Variants in ANKRD29 observed in about 807,000 individuals in gnomAD.
ANKRD29 encodes ankyrin repeat domain-containing protein 29.
ANKRD29 carries 32 observed loss-of-function variants against 38.0 expected under a neutral mutation model. The observed-to-expected ratio is 0.84, with a 90% CI of 0.64 to 1.13. ANKRD29 has a LOEUF of 1.13. ANKRD29 is among the 50% of genes most tolerant of loss of function. The probability of loss-of-function intolerance (pLI) is 0.00; values close to 1 mark genes in which losing one functional copy is unlikely to be tolerated. For synonymous variants in ANKRD29, 135 were observed against 152.4 expected (o/e 0.89, Z 0.84); for missense variants, 357 against 377.9 (o/e 0.94, Z 0.46).
At chr18:23,659,216 A>G (rs2060323628) in intron 1 of ANKRD29, among the ~76,000 whole-genome samples, 1 of 152,166 alleles carries the variant, frequency 6.6e-6, no homozygotes, top group Admixed American at 6.5e-5. Context: ...TCCCGACTTC[A>G]GGTGATCCGC....
At position 23,600,398 on chromosome 18, in the gene ANKRD29, T is replaced by C. The variant is rs2059497181; in HGVS notation, c.*828A>G. 6.6e-6 allele frequency: 1 copy of C among 152,204 alleles called. No homozygotes were observed. The highest frequency in any genetic ancestry group is 2.4e-5 in the African/African-American group (1 of 41,452). 9.4% of individuals were successfully genotyped at this position (152,204 alleles called of 1,614,324 possible). On this transcript the variant is annotated 3_prime_UTR_variant, in exon 10 of 10. Transcript: ENST00000592179. ...ACAGCATGTTAGGTATACTTACTTA[T>C]AGAATAGGAAATAGATTCCCAACAA...
intron 1 of ANKRD29, among the ~76,000 whole-genome samples, chr18:23,653,407 C>T (rs774762581): frequency 2.6e-5 from 4 of 152,032 alleles, no homozygotes; most frequent in South Asian, 2.1e-4. Flanking sequence ...CCTGCCACTA[C>T]GCCCGGCTAA....
At chr18:23,660,792 A>G (rs1251963567) in intron 1 of ANKRD29, among the ~76,000 whole-genome samples, 1 of 152,226 alleles carries the variant, frequency 6.6e-6, no homozygotes, top group Non-Finnish European at 1.5e-5. Context: ...GGGTGACAAG[A>G]GCAAGACTTT....
chr18:23,615,134 G>C (rs1001944045), intron 8 of ANKRD29, among the ~76,000 whole-genome samples: 1 of 152,086 alleles, frequency 6.6e-6, no homozygotes, highest in Non-Finnish European at 1.5e-5. Flanking sequence ...CAATCCTCCT[G>C]CCTCAGCTGG....
intron 5 of ANKRD29, among the ~76,000 whole-genome samples, chr18:23,630,182 T>C (rs1019709116): frequency 3.3e-5 from 5 of 152,076 alleles, no homozygotes; most frequent in Non-Finnish European, 7.4e-5. Context: ...CCTAGCACTT[T>C]GGGAGGCCGA....
At chr18:23,639,756 AAAGTCCTG>A (rs2060049622) in intron 3 of ANKRD29, among the ~76,000 whole-genome samples, 1 of 152,118 alleles carries the variant, frequency 6.6e-6, no homozygotes, top group Non-Finnish European at 1.5e-5. Flanking sequence ...GGCTGGTCTC[AAAGTCCTG>A]GCCTCAAGTG....
intron 8 of ANKRD29, among the ~76,000 whole-genome samples, chr18:23,615,925 A>G (rs1336270078): frequency 7.1e-6 from 1 of 141,168 alleles, no homozygotes; most frequent in African/African-American, 2.7e-5. Context: ...TATAGTATGT[A>G]TATATTATAT....
At chr18:23,603,533 TGAGGCAG>T (rs907994856) in intron 9 of ANKRD29, among the ~76,000 whole-genome samples, 2 of 152,236 alleles carry the variant, frequency 1.3e-5, no homozygotes, top group African/African-American at 2.4e-5. Flanking sequence ...CTCAGGAGGC[TGAGGCAG>T]GAGAATCCCT....
chr18:23,612,036 G>T, intron 9 of ANKRD29, 56 bp downstream of exon 9: 1 of 1,496,746 alleles, frequency 6.7e-7, no homozygotes, highest in Non-Finnish European at 9.3e-7. Context: ...ATCCTTCCTG[G>T]CCTAGGAGGA....
chr18:23,615,925 A>AC (rs374790259), intron 8 of ANKRD29, among the ~76,000 whole-genome samples: 3,031 of 141,010 alleles, frequency 0.021, 127 homozygotes, highest in South Asian at 0.08. Flanking sequence ...TATAGTATGT[A>AC]TATATTATAT....
At chr18:23,654,000 T>C (rs142088567) in intron 1 of ANKRD29, among the ~76,000 whole-genome samples, 216 of 152,036 alleles carry the variant, frequency 1.4e-3, no homozygotes, top group African/African-American at 5.0e-3. Context: ...GGGTGCGGTG[T>C]CTCACGCCTG....
chr18:23,650,450 G>A (rs1340064475), intron 1 of ANKRD29, among the ~76,000 whole-genome samples: 1 of 152,218 alleles, frequency 6.6e-6, no homozygotes, highest in African/African-American at 2.4e-5. Context: ...GGCCTACTGG[G>A]TTATTTTAAA....
At position 23,606,741 on chromosome 18, in the gene ANKRD29, T is replaced by C. The variant is rs112131628; in HGVS notation, c.822+5351A>G. ...GTGGCCAGGCATGGTGGCTCATGCC[T>C]ATAGTTCAGCTACTCAGGAGGCTGA... On this transcript the variant is annotated intron_variant, in intron 9 of 9. Coordinates refer to ENST00000592179, the MANE Select transcript of ANKRD29 (RefSeq NM_173505.4). Among the ~76,000 whole-genome samples, 399 of 152,298 alleles carry C rather than the reference T, an allele frequency of 2.6e-3. 1 individual carries two copies. Among genetic ancestry groups the C allele is most frequent in the Middle Eastern group, 0.01 (3 of 294 alleles).
Position 23,662,658 on chromosome 18 carries a change from C to A in ANKRD29, c.21+52G>T, listed in dbSNP as rs561952595. On this transcript the variant is annotated intron_variant, in intron 1 of 9. Transcript: ENST00000592179. ...TCCCACCCCACCCGACCCCGCGGGC[C>A]CGGCCGCCCGAGCCCGGCCCCAGCC... The A allele has an allele frequency of 2.2e-5, 26 of 1,180,486 alleles. No homozygotes were observed. In the African/African-American group the frequency reaches 4.3e-4, roughly 20 times the overall value. The allele number at this position is 1,180,486 out of a possible 1,614,324, so 73.1% of individuals were successfully genotyped here.
In ANKRD29 at chr18:23,619,509, GC is replaced by G. The variant is rs781312016; in HGVS notation, c.627+21del. 1.9e-6 allele frequency: 3 copies of G among 1,566,278 alleles called. No individual in the cohort carries two copies. In the South Asian group the frequency reaches 3.5e-5, roughly 18 times the overall value. The stretch of plus-strand genomic sequence containing the variant: ...GCGCGCCGGGAGGCTTCGCTCTTTG[GC>G]CGCGCGACTCGGGCACTCACGTTCC... On this transcript the variant is annotated intron_variant, in intron 7 of 9. Coordinates refer to ENST00000592179, the MANE Select transcript of ANKRD29 (RefSeq NM_173505.4).
At chr18:23,635,513 C>A (rs996481864) in intron 4 of ANKRD29, among the ~76,000 whole-genome samples, 3 of 152,096 alleles carry the variant, frequency 2.0e-5, no homozygotes, top group African/African-American at 7.2e-5. Flanking sequence ...TCTTTTTTCC[C>A]ATCTAGCGTT....
chr18:23,608,415 CAT>C (rs1198829246), intron 9 of ANKRD29, among the ~76,000 whole-genome samples: 3 of 152,190 alleles, frequency 2.0e-5, no homozygotes, highest in African/African-American at 4.8e-5. Flanking sequence ...AGTGCCCACA[CAT>C]GTTTTCAAGT....
chr18:23,605,402 A>C (rs961895760), intron 9 of ANKRD29, among the ~76,000 whole-genome samples: 1 of 151,458 alleles, frequency 6.6e-6, no homozygotes, highest in African/African-American at 2.4e-5. Context: ...GGGTCTTGCT[A>C]TGTTGCCCAG....
intron 6 of ANKRD29, among the ~76,000 whole-genome samples, chr18:23,621,654 A>G (rs1477485270): frequency 6.6e-6 from 1 of 152,110 alleles, no homozygotes; most frequent in Non-Finnish European, 1.5e-5. Flanking sequence ...TTCAGGATTT[A>G]ATTAATCAAT....
Sources: gnomAD v4.1 joint callset for allele counts (sites outside exome capture counted in the v4.1 genomes callset) on GRCh38, gnomAD v4.1.1 for gene constraint, MANE v1.5 for transcripts, NCBI Gene and HGNC (gene_info 2026-07-23, HGNC 2026-07-21) for gene names.